The following C12orf54 variants were observed in gnomAD, a reference collection of about 807,000 sequenced individuals.
The protein encoded by C12orf54 is uncharacterized protein C12orf54.
A neutral mutation model predicts 26.4 loss-of-function variants in C12orf54; 24 were observed. The observed-to-expected ratio is 0.91, with a 90% CI of 0.66 to 1.28. The LOEUF (loss-of-function observed/expected upper bound fraction) is 1.28. Among genes scored for constraint, C12orf54 ranks in the 50% most tolerant of loss-of-function variants. The probability of loss-of-function intolerance (pLI) is 0.00; values close to 1 mark genes in which losing one functional copy is unlikely to be tolerated. For synonymous variants in C12orf54, 54 were observed against 47.0 expected, an observed-to-expected ratio of 1.15 and a Z score of -0.61; for missense variants, 154 against 150.9, an observed-to-expected ratio of 1.02 and a Z score of -0.11.
At chr12:48,470,512 C>T in the C12orf54 span, among the ~76,000 whole-genome samples, 1 of 152,062 alleles carries the variant, frequency 6.6e-6, no homozygotes, top group Non-Finnish European at 1.5e-5. Context: ...GCCCATTTTT[C>T]ATGGGGTAGC....
chr12:48,461,318 A>G, the C12orf54 span, among the ~76,000 whole-genome samples: 3 of 151,982 alleles, frequency 2.0e-5, no homozygotes, highest in African/African-American at 7.2e-5. Context: ...CCCCTTCAAT[A>G]ATTGATACAA....
chr12:48,487,625 C>T (rs577300866), intron 4 of C12orf54, among the ~76,000 whole-genome samples: 2 of 152,258 alleles, frequency 1.3e-5, no homozygotes, highest in South Asian at 4.2e-4. Context: ...AATAATCAGG[C>T]ACTTATAACA....
chr12:48,477,624 C>A (rs147425219), upstream of C12orf54, among the ~76,000 whole-genome samples: 1 of 152,104 alleles, frequency 6.6e-6, no homozygotes, highest in Non-Finnish European at 1.5e-5. Context: ...AACACCTCTA[C>A]GCAAATAAAC....
At chr12:48,417,353 T>A in the C12orf54 span, 32 of 152,168 alleles carry the variant, frequency 2.1e-4, no homozygotes, top group African/African-American at 7.7e-4. Flanking sequence ...CAGAAAACTT[T>A]CCCTTGGAAT....
At chr12:48,471,041 T>C in the C12orf54 span, among the ~76,000 whole-genome samples, 1 of 152,182 alleles carries the variant, frequency 6.6e-6, no homozygotes, top group African/African-American at 2.4e-5. Flanking sequence ...CCTGTTGTGC[T>C]ATCAAATAGT....
intron 6 of C12orf54, 97 bp from the exon 7 acceptor site, chr12:48,492,850 C>T: frequency 8.8e-7 from 1 of 1,133,778 alleles, no homozygotes; most frequent in Non-Finnish European, 1.3e-6. Flanking sequence ...GACCCTCCCA[C>T]TTTGACTATA....
chr12:48,477,900 G>A (rs1338784948), upstream of C12orf54, among the ~76,000 whole-genome samples: 3 of 152,150 alleles, frequency 2.0e-5, no homozygotes, highest in Admixed American at 6.5e-5. Context: ...CATTTTATGA[G>A]GCCAGCATCA....
chr12:48,461,973 A>C, the C12orf54 span, among the ~76,000 whole-genome samples: 173 of 151,826 alleles, frequency 1.1e-3, 2 homozygotes, highest in Admixed American at 0.011. Context: ...TAAATCTCTA[A>C]TTAGACTGAT....
At chr12:48,494,134 A>T (rs962225921) in intron 7 of C12orf54, among the ~76,000 whole-genome samples, 3 of 147,340 alleles carry the variant, frequency 2.0e-5, no homozygotes, top group African/African-American at 7.6e-5. Flanking sequence ...CAGGAGAATC[A>T]CTTGAACCCA....
chr12:48,446,958 C>T, the C12orf54 span, among the ~76,000 whole-genome samples: 1 of 152,130 alleles, frequency 6.6e-6, no homozygotes, highest in Non-Finnish European at 1.5e-5. Flanking sequence ...GAACTTCCAT[C>T]TATGAGCATT....
At chr12:48,495,801 C>T (rs747288991) in intron 8 of C12orf54, among the ~76,000 whole-genome samples, 6 of 152,184 alleles carry the variant, frequency 3.9e-5, no homozygotes, top group Non-Finnish European at 7.3e-5. Flanking sequence ...CCCCACAAAT[C>T]ATCAAAATAC....
chr12:48,450,415 A>G, the C12orf54 span, among the ~76,000 whole-genome samples: 1 of 152,142 alleles, frequency 6.6e-6, no homozygotes, highest in Non-Finnish European at 1.5e-5. Flanking sequence ...TAACATCACA[A>G]CTAAAAGAAC....
chr12:48,439,321 C>A, the C12orf54 span, among the ~76,000 whole-genome samples: 31 of 152,012 alleles, frequency 2.0e-4, no homozygotes, highest in Non-Finnish European at 4.1e-4. Context: ...TAGTTCAACC[C>A]TTGTGGAAGT....
the C12orf54 span, among the ~76,000 whole-genome samples, chr12:48,432,008 G>C: frequency 6.6e-5 from 10 of 152,056 alleles, no homozygotes; most frequent in African/African-American, 2.2e-4. Context: ...AGAAAAGATG[G>C]AGTGAATGCA....
the C12orf54 span, among the ~76,000 whole-genome samples, chr12:48,418,136 A>G: frequency 6.6e-6 from 1 of 152,246 alleles, no homozygotes. Context: ...TGGGAATTCC[A>G]TAATGATCCA....
At chr12:48,471,184 G>A in the C12orf54 span, among the ~76,000 whole-genome samples, 17 of 151,788 alleles carry the variant, frequency 1.1e-4, no homozygotes, top group Non-Finnish European at 2.4e-4. Context: ...ACAAATAAGT[G>A]AGAACATGCA....
At chr12:48,429,854 C>G in the C12orf54 span, among the ~76,000 whole-genome samples, 1 of 152,032 alleles carries the variant, frequency 6.6e-6, no homozygotes, top group South Asian at 2.1e-4. Flanking sequence ...CCTACATAGC[C>G]AAAGCAAGTC....
the C12orf54 span, among the ~76,000 whole-genome samples, chr12:48,467,405 T>C: frequency 6.6e-6 from 1 of 152,192 alleles, no homozygotes; most frequent in Non-Finnish European, 1.5e-5. Flanking sequence ...CAATTTGTTA[T>C]GGCAGCCCTA....
the C12orf54 span, among the ~76,000 whole-genome samples, chr12:48,436,526 A>T: frequency 6.6e-6 from 1 of 152,220 alleles, no homozygotes; most frequent in East Asian, 1.9e-4. Flanking sequence ...ACTCCTCAGC[A>T]AATGTAAAAG....
Sources: gnomAD v4.1 joint callset for allele counts (sites outside exome capture counted in the v4.1 genomes callset) on GRCh38, gnomAD v4.1.1 for gene constraint, MANE v1.5 for transcripts, NCBI Gene and HGNC (gene_info 2026-07-23, HGNC 2026-07-21) for gene names.